SRBD1: variants seen among roughly 807,000 people sequenced by gnomAD.
SRBD1 encodes the protein S1 RNA-binding domain-containing protein 1.
A neutral mutation model predicts 115.3 loss-of-function variants in SRBD1; 88 were observed. That is an observed-to-expected ratio of 0.76 (90% confidence interval 0.64 to 0.91). The LOEUF (loss-of-function observed/expected upper bound fraction) is 0.91. Among genes scored for constraint, SRBD1 ranks in the 40% least tolerant of loss-of-function variants. The pLI is 0.00. For missense variants in SRBD1, 1,385 were observed against 1,177.4 expected, an observed-to-expected ratio of 1.18 and a Z score of -2.58; for synonymous variants, 509 against 407.7, an observed-to-expected ratio of 1.25 and a Z score of -2.99.
intron 4 of SRBD1, among the ~76,000 whole-genome samples, chr2:45,587,531 A>C (rs979348627): frequency 1.3e-5 from 2 of 152,202 alleles, no homozygotes; most frequent in Non-Finnish European, 2.9e-5. Context: ...TCTGACAGAA[A>C]CTGGGGTAAA....
chr2:45,488,779 T>C (rs996837522), intron 14 of SRBD1, among the ~76,000 whole-genome samples: 1 of 152,058 alleles, frequency 6.6e-6, no homozygotes, highest in Admixed American at 6.6e-5. Context: ...TGTGGATATG[T>C]GCACATGCAG....
intron 18 of SRBD1, among the ~76,000 whole-genome samples, chr2:45,414,425 T>A (rs563544505): frequency 1.3e-5 from 2 of 151,900 alleles, no homozygotes; most frequent in Non-Finnish European, 2.9e-5. Flanking sequence ...TATACACATA[T>A]ATACATATAC....
At chr2:45,447,233 G>A (rs890792676) in intron 16 of SRBD1, 1 of 152,038 alleles carries the variant, frequency 6.6e-6, no homozygotes, top group African/African-American at 2.4e-5. Context: ...GGTGGATCAC[G>A]AGGTCAAGAG....
At chr2:45,607,925 T>A (rs1452886976) in intron 1 of SRBD1, among the ~76,000 whole-genome samples, 1 of 152,162 alleles carries the variant, frequency 6.6e-6, no homozygotes, top group Non-Finnish European at 1.5e-5. Flanking sequence ...TGGGAAGGCT[T>A]TTCTCTGGAG....
intron 19 of SRBD1, among the ~76,000 whole-genome samples, chr2:45,398,772 C>A (rs932818200): frequency 1.3e-5 from 2 of 152,074 alleles, no homozygotes; most frequent in African/African-American, 4.8e-5. Context: ...TATCTAAGAT[C>A]AGTGAAATAA....
At chr2:45,396,549 C>T (rs563360824) in intron 19 of SRBD1, among the ~76,000 whole-genome samples, 1 of 152,152 alleles carries the variant, frequency 6.6e-6, no homozygotes, top group African/African-American at 2.4e-5. Flanking sequence ...ATAAGCACAT[C>T]ATGTTCTTTA....
At chr2:45,500,042 G>A (rs1670579783) in intron 14 of SRBD1, among the ~76,000 whole-genome samples, 1 of 152,102 alleles carries the variant, frequency 6.6e-6, no homozygotes, top group Non-Finnish European at 1.5e-5. Flanking sequence ...AATGTCATTG[G>A]TATTTTGATA....
intron 16 of SRBD1, among the ~76,000 whole-genome samples, chr2:45,476,173 G>C (rs2103817311): frequency 6.6e-6 from 1 of 152,234 alleles, no homozygotes; most frequent in East Asian, 1.9e-4. Context: ...GTTAATCTAA[G>C]CTTTGCTACC....
At chr2:45,420,930 T>C (rs1028005190) in intron 16 of SRBD1, among the ~76,000 whole-genome samples, 2 of 152,218 alleles carry the variant, frequency 1.3e-5, no homozygotes, top group Non-Finnish European at 2.9e-5. Flanking sequence ...TTGTTACATA[T>C]GTATACATGT....
At chr2:45,601,826 A>G (rs1674100827) in intron 3 of SRBD1, 77 bp downstream of exon 3, 2 of 1,557,278 alleles carry the variant, frequency 1.3e-6, no homozygotes, top group Non-Finnish European at 1.7e-6. Flanking sequence ...GCCTTGTCCT[A>G]CTCTGTAGAA....
At chr2:45,522,211 T>A (rs910850523) in intron 14 of SRBD1, among the ~76,000 whole-genome samples, 1 of 151,270 alleles carries the variant, frequency 6.6e-6, no homozygotes, top group Non-Finnish European at 1.5e-5. Flanking sequence ...TGACAGAGGG[T>A]CTCATTCTGT....
At chr2:45,591,717 A>T (rs1673731281) in intron 4 of SRBD1, among the ~76,000 whole-genome samples, 1 of 152,182 alleles carries the variant, frequency 6.6e-6, no homozygotes, top group Non-Finnish European at 1.5e-5. Context: ...CCCAACTAGG[A>T]ATGTTGGGTG....
At chr2:45,481,706 TA>T (rs11352035) in intron 15 of SRBD1, among the ~76,000 whole-genome samples, 127,695 of 151,860 alleles carry the variant, frequency 0.84, 54,230 homozygotes, top group African/African-American at 0.92. Flanking sequence ...CCAAAAATGT[TA>T]AAAAAAAAAT....
intron 16 of SRBD1, among the ~76,000 whole-genome samples, chr2:45,461,383 G>C (rs1471014351): frequency 6.6e-6 from 1 of 152,146 alleles, no homozygotes; most frequent in African/African-American, 2.4e-5. Context: ...AAATACTGCT[G>C]GGAAGATGAC....
chr2:45,498,804 G>T (rs571869180), intron 14 of SRBD1, among the ~76,000 whole-genome samples: 2 of 152,212 alleles, frequency 1.3e-5, no homozygotes, highest in South Asian at 4.1e-4. Flanking sequence ...TTCCATCCAG[G>T]CTGCTGCAAA....
chr2:45,555,140 G>A (rs1309405141), intron 10 of SRBD1, among the ~76,000 whole-genome samples: 3 of 152,196 alleles, frequency 2.0e-5, no homozygotes, highest in Non-Finnish European at 4.4e-5. Flanking sequence ...TAATCCCAGA[G>A]TATGGCCTTC....
chr2:45,607,288 G>T (rs1162334557), intron 1 of SRBD1, among the ~76,000 whole-genome samples: 2 of 151,996 alleles, frequency 1.3e-5, no homozygotes, highest in East Asian at 3.9e-4. Context: ...ATCAGGGCAG[G>T]GTAAAAATGG....
rs149709001 is a variant in SRBD1, at chr2:45,462,127, A to G, written c.2049+14866T>C. 9.2e-3 allele frequency among the ~76,000 whole-genome samples: 1,400 copies of G among 152,354 alleles called. 14 individuals carry two copies. The highest frequency in any genetic ancestry group is 0.014 in the Non-Finnish European group (938 of 68,028). On this transcript the variant is annotated intron_variant, in intron 16 of 20. Transcript: ENST00000263736. ...AGTTAAGGTCCACAAATCAAAATGC[A>G]GTCATTTCTACAGAGCTAGGCTTTT...
intron 14 of SRBD1, among the ~76,000 whole-genome samples, chr2:45,518,295 T>C (rs1398412957): frequency 2.6e-5 from 4 of 152,210 alleles, no homozygotes; most frequent in African/African-American, 9.7e-5. Context: ...GGCTCTGCTG[T>C]GCGATACTGC....
Sources: allele counts gnomAD v4.1 joint callset (sites outside exome capture counted in the v4.1 genomes callset), GRCh38; gene constraint gnomAD v4.1.1; transcripts MANE v1.5; gene names NCBI Gene and HGNC (gene_info 2026-07-23, HGNC 2026-07-21).